ZC3HAV1L: variants seen among roughly 807,000 people sequenced by gnomAD.
ZC3HAV1L encodes the protein ZC3HAV1 like.
In ZC3HAV1L, 23 loss-of-function variants were observed where a neutral mutation model predicts 28.2. That is an observed-to-expected ratio of 0.82 (90% confidence interval 0.59 to 1.16). ZC3HAV1L has a LOEUF of 1.16. Among genes scored for constraint, ZC3HAV1L ranks in the 50% most tolerant of loss-of-function variants. The probability of loss-of-function intolerance (pLI) is 0.00; values close to 1 mark genes in which losing one functional copy is unlikely to be tolerated. For missense variants in ZC3HAV1L, 376 were observed against 387.7 expected, an observed-to-expected ratio of 0.97 and a Z score of 0.25; for synonymous variants, 180 against 163.4, an observed-to-expected ratio of 1.10 and a Z score of -0.78.
downstream of ZC3HAV1L, among the ~76,000 whole-genome samples, chr7:139,022,173 A>C (rs1815258682): frequency 6.6e-6 from 1 of 152,230 alleles, no homozygotes; most frequent in Non-Finnish European, 1.5e-5. Context: ...AGATGTAGAC[A>C]AGTCAAACTG....
chr7:139,028,996 T>C, intron 2 of ZC3HAV1L, 36 bp from the exon 3 acceptor site: 1 of 1,584,980 alleles, frequency 6.3e-7, no homozygotes. Flanking sequence ...GAAATATTAG[T>C]TTTTCTTTTT....
intron 1 of ZC3HAV1L, chr7:139,035,413 G>A: frequency 5.1e-6 from 5 of 985,404 alleles, no homozygotes; most frequent in African/African-American, 1.7e-5. Context: ...GGCGGGGGCA[G>A]CAACTTTTCT....
rs1262598295 is a variant in ZC3HAV1L, at chr7:139,026,796, A to G, written c.798T>C (p.Leu266=). The change falls in exon 4 of 5, where the codon CTT becomes CTC. Residue 266 remains leucine (L), a synonymous_variant. Coordinates refer to ENST00000275766, the MANE Select transcript of ZC3HAV1L (RefSeq NM_080660.4). ...CAGCTGCGTGCACTCCTTGCTTCTC[A>G]AGGCCTTGTGAATGCTCAGTCGAAG... ...SSPSTEHSQG[L]EKQGVHAAGA... 1 of 1,614,100 alleles carries G rather than the reference A, an allele frequency of 6.2e-7. No homozygotes were observed. Among genetic ancestry groups the G allele is most frequent in the South Asian group, 1.1e-5 (1 of 91,066 alleles).
chr7:139,026,964 G>C (rs377662899), intron 3 of ZC3HAV1L, 131 bp from the exon 4 acceptor site: 1 of 1,068,406 alleles, frequency 9.4e-7, no homozygotes, highest in African/African-American at 1.6e-5. Context: ...ATGTCTTCTG[G>C]ATTTTAAAAA....
At chr7:139,023,118 T>A (rs192271569), downstream of ZC3HAV1L, among the ~76,000 whole-genome samples, 731 of 139,136 alleles carry the variant, frequency 5.3e-3, 6 homozygotes, top group Middle Eastern at 0.035. Flanking sequence ...GAGGTTGCAG[T>A]GAGCTGAGAT....
chr7:139,035,722 C>T lies in ZC3HAV1L; in HGVS notation c.296G>A (p.Cys99Tyr). 1.3e-6 allele frequency: 2 copies of T among 1,487,660 alleles called. No homozygotes were observed. The highest frequency in any genetic ancestry group is 2.9e-5 in the East Asian group (1 of 34,734). The allele number at this position is 1,487,660 out of a possible 1,614,324, so 92.2% of individuals were successfully genotyped here. A position where few individuals can be genotyped will look rare whatever the true frequency, so the allele number is the denominator to read the frequency against. ...GAAGTGCAGCTGGTCGCAGGCCTGG[C>T]ACTCGCCGCGCTGGTAGCGGGCGCA... ...RLCARYQRGECQACDQLHFCR... is the reference protein window; with the variant it reads ...RLCARYQRGEYQACDQLHFCR... Residue 99 changes from cysteine (C) to tyrosine (Y), a missense_variant, in exon 1 of 5, where the codon TGC becomes TAC. By Grantham distance (194) the Cys-to-Tyr change is radical. Coordinates refer to ENST00000275766, the MANE Select transcript of ZC3HAV1L (RefSeq NM_080660.4).
At chr7:139,027,542 G>A (rs954757545) in intron 3 of ZC3HAV1L, among the ~76,000 whole-genome samples, 1 of 152,150 alleles carries the variant, frequency 6.6e-6, no homozygotes, top group Non-Finnish European at 1.5e-5. Context: ...GCTGGACATG[G>A]TGGCATGTGC....
chr7:139,030,778 C>T, intron 2 of ZC3HAV1L, among the ~76,000 whole-genome samples: 1 of 151,890 alleles, frequency 6.6e-6, no homozygotes, highest in South Asian at 2.1e-4. Context: ...GAGATCACGC[C>T]ACTGCACTCC....
At chr7:139,023,197 A>C (rs1284929618), downstream of ZC3HAV1L, among the ~76,000 whole-genome samples, 1 of 151,566 alleles carries the variant, frequency 6.6e-6, no homozygotes, top group East Asian at 1.9e-4. Context: ...AAAAAAAAAA[A>C]AAAAACAGGG....
chr7:139,027,096 A>C (rs1449177233), intron 3 of ZC3HAV1L, among the ~76,000 whole-genome samples: 1 of 152,036 alleles, frequency 6.6e-6, no homozygotes, highest in Non-Finnish European at 1.5e-5. Context: ...GACACAGCAT[A>C]GGGTAGAAGG....
chr7:139,022,672 C>A (rs1815268724), downstream of ZC3HAV1L, among the ~76,000 whole-genome samples: 1 of 152,126 alleles, frequency 6.6e-6, no homozygotes, highest in Non-Finnish European at 1.5e-5. Context: ...GTTACAATTA[C>A]CAAGAATAAA....
At chr7:139,035,440 A>C (rs184631964) in intron 1 of ZC3HAV1L, 3 of 985,256 alleles carry the variant, frequency 3.0e-6, no homozygotes, top group Non-Finnish European at 3.6e-6. Context: ...GGCGGTTGAG[A>C]CGTCTCCATG....
chr7:139,027,750 AT>A (rs146084746), intron 3 of ZC3HAV1L, among the ~76,000 whole-genome samples: 2,718 of 152,334 alleles, frequency 0.018, 66 homozygotes, highest in African/African-American at 0.063. Context: ...ATTCCTAGCA[AT>A]ATGGGAAAAT....
At chr7:139,035,543 TC>T (rs1815681580) in intron 1 of ZC3HAV1L, 109 bp downstream of exon 1, 2 of 1,320,874 alleles carry the variant, frequency 1.5e-6, no homozygotes, top group African/African-American at 3.1e-5. Flanking sequence ...CAGCCCCGCG[TC>T]CCCGGCCCGG....
chr7:139,024,359 A>C (rs1815303980), downstream of ZC3HAV1L, among the ~76,000 whole-genome samples: 1 of 152,202 alleles, frequency 6.6e-6, no homozygotes, highest in South Asian at 2.1e-4. Context: ...TAAGATATAA[A>C]AACAGAACAT....
intron 2 of ZC3HAV1L, among the ~76,000 whole-genome samples, chr7:139,029,564 A>G (rs537493467): frequency 6.6e-6 from 1 of 152,256 alleles, no homozygotes; most frequent in Admixed American, 6.5e-5. Flanking sequence ...GACTTAGATA[A>G]AGCTAAAAAA....
chr7:139,023,646 G>A (rs1445864795), downstream of ZC3HAV1L, among the ~76,000 whole-genome samples: 1 of 152,234 alleles, frequency 6.6e-6, no homozygotes, highest in Non-Finnish European at 1.5e-5. Context: ...ATGGAAGGCA[G>A]GAGAAGTGAA....
chr7:139,023,182 GAA>G (rs565321825), downstream of ZC3HAV1L, among the ~76,000 whole-genome samples: 13 of 103,120 alleles, frequency 1.3e-4, no homozygotes, highest in African/African-American at 4.5e-4. Flanking sequence ...AAGGAAAAAA[GAA>G]AAAAAAAAAA....
At chr7:139,030,059 A>C (rs964727526) in intron 2 of ZC3HAV1L, among the ~76,000 whole-genome samples, 1 of 152,192 alleles carries the variant, frequency 6.6e-6, no homozygotes, top group African/African-American at 2.4e-5. Context: ...TTTTACTATG[A>C]AAGTCTGACA....
Sources: allele counts gnomAD v4.1 joint callset (sites outside exome capture counted in the v4.1 genomes callset), GRCh38; gene constraint gnomAD v4.1.1; transcripts MANE v1.5; gene names NCBI Gene and HGNC (gene_info 2026-07-23, HGNC 2026-07-21).